TTLL7: variants seen among roughly 807,000 people sequenced by gnomAD.
TTLL7 encodes tubulin tyrosine ligase like 7.
TTLL7 carries 53 observed loss-of-function variants against 120.2 expected under a neutral mutation model. That is an observed-to-expected ratio of 0.44 (90% CI 0.35 to 0.55). The LOEUF (loss-of-function observed/expected upper bound fraction) is 0.55, where lower values mean the gene tolerates loss of function less well. Ranked by LOEUF, TTLL7 falls within the 20% of genes least tolerant of loss-of-function variation. The pLI is 0.00. For synonymous variants in TTLL7, 353 were observed against 351.7 expected (o/e 1.00, Z -0.04); for missense variants, 803 against 1,054.7 (o/e 0.76, Z 3.31).
chr1:83,932,084 T>C (rs1659647167), intron 9 of TTLL7, among the ~76,000 whole-genome samples: 1 of 152,172 alleles, frequency 6.6e-6, no homozygotes, highest in Non-Finnish European at 1.5e-5. Context: ...AATGGTTATT[T>C]TGAATCTTTT....
chr1:83,928,694 T>C (rs1414138050), intron 10 of TTLL7, among the ~76,000 whole-genome samples: 1 of 152,180 alleles, frequency 6.6e-6, no homozygotes, highest in Admixed American at 6.6e-5. Flanking sequence ...GTTTGAGTTT[T>C]TTTTTTAATT....
intron 3 of TTLL7, among the ~76,000 whole-genome samples, chr1:83,951,226 G>A (rs1649013927): frequency 1.3e-5 from 2 of 152,050 alleles, no homozygotes; most frequent in South Asian, 2.1e-4. Context: ...GCGGGCGCCT[G>A]TAGTCCCAGC....
intron 18 of TTLL7, among the ~76,000 whole-genome samples, chr1:83,902,443 G>A (rs1377739221): frequency 6.6e-6 from 1 of 151,846 alleles, no homozygotes; most frequent in African/African-American, 2.4e-5. Flanking sequence ...TGGGGTCATC[G>A]CTAACATCCA....
chr1:83,953,571 C>T (rs771210302), intron 1 of TTLL7, among the ~76,000 whole-genome samples: 1 of 152,006 alleles, frequency 6.6e-6, no homozygotes, highest in Non-Finnish European at 1.5e-5. Flanking sequence ...AATATCAAAA[C>T]GGGGAACTTT....
chr1:83,975,184 T>C (rs1651352182), intron 1 of TTLL7, among the ~76,000 whole-genome samples: 1 of 152,106 alleles, frequency 6.6e-6, no homozygotes, highest in Non-Finnish European at 1.5e-5. Context: ...CACTATAGGC[T>C]TTACAACCAG....
chr1:83,956,697 T>A (rs945235641), intron 1 of TTLL7, among the ~76,000 whole-genome samples: 2 of 152,200 alleles, frequency 1.3e-5, no homozygotes, highest in Non-Finnish European at 2.9e-5. Flanking sequence ...CCCAAAGTGC[T>A]GCGATTGCAG....
At chr1:83,928,219 G>A (rs1249016071) in intron 10 of TTLL7, among the ~76,000 whole-genome samples, 1 of 152,124 alleles carries the variant, frequency 6.6e-6, no homozygotes, top group Non-Finnish European at 1.5e-5. Context: ...CAAAAAACAT[G>A]TATAGGCATA....
At chr1:83,990,979 G>A (rs1036444452) in intron 1 of TTLL7, among the ~76,000 whole-genome samples, 1 of 152,196 alleles carries the variant, frequency 6.6e-6, no homozygotes, top group African/African-American at 2.4e-5. Flanking sequence ...ATAAACAAAT[G>A]TGGTACATAC....
chr1:83,888,218 T>C (rs571515343), intron 19 of TTLL7, among the ~76,000 whole-genome samples: 22 of 152,024 alleles, frequency 1.4e-4, no homozygotes, highest in East Asian at 7.8e-4. Context: ...GATTCATATA[T>C]AGCATCAAGC....
intron 18 of TTLL7, among the ~76,000 whole-genome samples, chr1:83,892,481 A>AACATATGAATGAACATATAT (rs1557564652): frequency 1.2e-5 from 1 of 83,974 alleles, no homozygotes; most frequent in South Asian, 3.4e-4. Flanking sequence ...TGAACATATG[A>AACATATGAATGAACATATAT]ATGAACATAT....
At chr1:83,952,020 A>G (rs1304289505) in intron 2 of TTLL7, 44 bp from the exon 3 acceptor site, 2 of 1,584,170 alleles carry the variant, frequency 1.3e-6, no homozygotes, top group African/African-American at 1.4e-5. Flanking sequence ...GAAAACAAAA[A>G]TCTATACCAG....
At chr1:83,967,846 C>T (rs537531510) in intron 1 of TTLL7, among the ~76,000 whole-genome samples, 2 of 151,698 alleles carry the variant, frequency 1.3e-5, no homozygotes, top group Non-Finnish European at 2.9e-5. Flanking sequence ...TTCAGCAATT[C>T]TTCTCAAAAA....
At chr1:83,987,628 G>A (rs1036828412) in intron 1 of TTLL7, among the ~76,000 whole-genome samples, 6 of 151,990 alleles carry the variant, frequency 3.9e-5, no homozygotes, top group East Asian at 1.9e-4. Context: ...CAATTCTAAC[G>A]ATTTTTTTTA....
At chr1:83,919,928 T>A in intron 12 of TTLL7, 94 bp from the exon 13 acceptor site, 1 of 1,167,172 alleles carries the variant, frequency 8.6e-7, no homozygotes. Context: ...GACCATCTAT[T>A]CTATACCAGT....
intron 20 of TTLL7, among the ~76,000 whole-genome samples, chr1:83,880,990 A>C (rs1654402675): frequency 6.6e-6 from 1 of 152,156 alleles, no homozygotes; most frequent in Non-Finnish European, 1.5e-5. Context: ...AGCAATGGGG[A>C]AAGGATTCCC....
chr1:83,924,390 A>G (rs1658934679), intron 10 of TTLL7, among the ~76,000 whole-genome samples: 1 of 152,196 alleles, frequency 6.6e-6, no homozygotes, highest in African/African-American at 2.4e-5. Flanking sequence ...CCGCCTTAAA[A>G]AGGAGGAAAT....
chr1:83,942,436 A>C, intron 7 of TTLL7, 27 bp downstream of exon 7: 1 of 1,547,638 alleles, frequency 6.5e-7, no homozygotes, highest in East Asian at 2.2e-5. Context: ...ATGAATGAAA[A>C]GATAAGCTCT....
intron 1 of TTLL7, among the ~76,000 whole-genome samples, chr1:83,959,919 T>A (rs1649871645): frequency 6.6e-6 from 1 of 152,124 alleles, no homozygotes; most frequent in African/African-American, 2.4e-5. Flanking sequence ...CAAAATAATA[T>A]ATTTCTTATA....
chr1:83,931,002 GTTTTTT>G (rs1184230874), intron 9 of TTLL7, among the ~76,000 whole-genome samples: 1 of 136,924 alleles, frequency 7.3e-6, no homozygotes, highest in Non-Finnish European at 1.6e-5. Flanking sequence ...GGTTGTTCTT[GTTTTTT>G]TTTTTTTAAG....
Sources: allele counts gnomAD v4.1 joint callset (sites outside exome capture counted in the v4.1 genomes callset), GRCh38; gene constraint gnomAD v4.1.1; transcripts MANE v1.5; gene names NCBI Gene and HGNC (gene_info 2026-07-23, HGNC 2026-07-21).